The following ZNF892 variants were observed in gnomAD, a reference collection of about 807,000 sequenced individuals.
ZNF892 encodes zinc finger protein 570-like.
the ZNF892 span, among the ~76,000 whole-genome samples, chr2:95,243,933 G>A: frequency 1.3e-5 from 2 of 152,202 alleles, no homozygotes; most frequent in African/African-American, 4.8e-5. Flanking sequence ...TGAGAAATCG[G>A]ATGGTTGCCG....
At chr2:95,225,501 C>G in the ZNF892 span, among the ~76,000 whole-genome samples, 1 of 152,328 alleles carries the variant, frequency 6.6e-6, no homozygotes, top group South Asian at 2.1e-4. Context: ...CCAGTTGCAC[C>G]CACAAGGGTG....
At chr2:95,208,651 C>T in the ZNF892 span, 4 of 398,478 alleles carry the variant, frequency 1.0e-5, no homozygotes, top group African/African-American at 8.2e-5. Flanking sequence ...CTTTTAGGAT[C>T]ACTTTTTGAG....
At chr2:95,206,803 G>A in the ZNF892 span, among the ~76,000 whole-genome samples, 14 of 152,314 alleles carry the variant, frequency 9.2e-5, no homozygotes, top group Admixed American at 5.9e-4. Flanking sequence ...GGAGCCCTTA[G>A]TGTCTTGTAA....
chr2:95,260,528 A>C, the ZNF892 span, among the ~76,000 whole-genome samples: 13 of 152,122 alleles, frequency 8.5e-5, no homozygotes, highest in African/African-American at 3.1e-4. Flanking sequence ...ACCAAAGTGC[A>C]TTCCTGGACA....
the ZNF892 span, among the ~76,000 whole-genome samples, chr2:95,255,670 A>G: frequency 6.6e-6 from 1 of 152,144 alleles, no homozygotes; most frequent in African/African-American, 2.4e-5. Flanking sequence ...TCTAATGTTG[A>G]CAGTGGGGTG....
chr2:95,248,992 G>A, the ZNF892 span, among the ~76,000 whole-genome samples: 1 of 151,702 alleles, frequency 6.6e-6, no homozygotes, highest in Admixed American at 6.6e-5. Context: ...ACATAGCCCA[G>A]GCTGAATGTG....
chr2:95,257,167 G>GT, the ZNF892 span, among the ~76,000 whole-genome samples: 1 of 152,178 alleles, frequency 6.6e-6, no homozygotes, highest in Admixed American at 6.5e-5. Context: ...AGAATTTTCA[G>GT]TTTTTCTGCT....
chr2:95,248,293 A>G, the ZNF892 span, among the ~76,000 whole-genome samples: 2 of 152,210 alleles, frequency 1.3e-5, no homozygotes, highest in Admixed American at 1.3e-4. Flanking sequence ...CTGGGTACTC[A>G]TGGACACACA....
chr2:95,212,486 A>G, the ZNF892 span, among the ~76,000 whole-genome samples: 2 of 152,226 alleles, frequency 1.3e-5, no homozygotes, highest in Non-Finnish European at 2.9e-5. Flanking sequence ...CTACTCTTTC[A>G]AACCAATTCT....
chr2:95,228,437 T>A, the ZNF892 span, among the ~76,000 whole-genome samples: 1,116 of 152,136 alleles, frequency 7.3e-3, 13 homozygotes, highest in Non-Finnish European at 0.011. Flanking sequence ...TTTAAAAAAA[T>A]TTTTTTTGCA....
the ZNF892 span, among the ~76,000 whole-genome samples, chr2:95,222,686 T>G: frequency 0.16 from 24,298 of 152,234 alleles, 2,331 homozygotes; most frequent in Admixed American, 0.29. Context: ...TTTCCTAGTT[T>G]AGTTTTGTAG....
At chr2:95,252,212 T>A in the ZNF892 span, among the ~76,000 whole-genome samples, 1 of 151,652 alleles carries the variant, frequency 6.6e-6, no homozygotes, top group Non-Finnish European at 1.5e-5. Context: ...ATTAGGTATA[T>A]CTCCTAATGC....
chr2:95,206,972 C>T, the ZNF892 span, among the ~76,000 whole-genome samples: 1 of 152,096 alleles, frequency 6.6e-6, no homozygotes, highest in Non-Finnish European at 1.5e-5. Context: ...GACCTCCAGG[C>T]TCCAGCCTCC....
the ZNF892 span, among the ~76,000 whole-genome samples, chr2:95,234,713 G>A: frequency 6.6e-6 from 1 of 152,178 alleles, no homozygotes; most frequent in Non-Finnish European, 1.5e-5. Flanking sequence ...CCAACTCCAC[G>A]GGGGCCCTTC....
the ZNF892 span, among the ~76,000 whole-genome samples, chr2:95,245,463 G>GGGGGT: frequency 7.7e-6 from 1 of 130,438 alleles, no homozygotes; most frequent in African/African-American, 2.7e-5. Flanking sequence ...GGGGGGGGGG[G>GGGGGT]TTTCACCATG....
At chr2:95,252,937 G>GT in the ZNF892 span, among the ~76,000 whole-genome samples, 3 of 151,922 alleles carry the variant, frequency 2.0e-5, no homozygotes, top group African/African-American at 4.8e-5. Context: ...GGGGTTGTTT[G>GT]TTTTTTTCTT....
At chr2:95,251,353 G>C in the ZNF892 span, among the ~76,000 whole-genome samples, 1 of 152,164 alleles carries the variant, frequency 6.6e-6, no homozygotes, top group African/African-American at 2.4e-5. Flanking sequence ...ATTTGTTGAG[G>C]ATGAGAACTT....
At chr2:95,211,722 TAAGGATGG>T in the ZNF892 span, 1 of 398,534 alleles carries the variant, frequency 2.5e-6, no homozygotes, top group African/African-American at 2.1e-5. Flanking sequence ...TCTTGCTGGG[TAAGGATGG>T]CTCCCCCAAT....
the ZNF892 span, among the ~76,000 whole-genome samples, chr2:95,228,045 C>T: frequency 4.6e-5 from 7 of 152,224 alleles, no homozygotes; most frequent in Non-Finnish European, 8.8e-5. Flanking sequence ...GTCCAATTTC[C>T]AATCAGTTGG....
Sources: allele counts gnomAD v4.1 joint callset (sites outside exome capture counted in the v4.1 genomes callset), GRCh38; gene constraint gnomAD v4.1.1; transcripts MANE v1.5; gene names NCBI Gene and HGNC (gene_info 2026-07-23, HGNC 2026-07-21).